FGGY: variants seen among roughly 807,000 people sequenced by gnomAD.
FGGY encodes FGGY carbohydrate kinase domain-containing protein.
In FGGY, 72 loss-of-function variants were observed where a neutral mutation model predicts 71.3. That is an observed-to-expected ratio of 1.01 (90% CI 0.84 to 1.23). The LOEUF (loss-of-function observed/expected upper bound fraction) is 1.23. FGGY is among the 50% of genes most tolerant of loss of function. FGGY has a pLI of 0.00. For synonymous variants in FGGY, 251 were observed against 250.3 expected (o/e 1.00, Z -0.02); for missense variants, 668 against 682.3 (o/e 0.98, Z 0.23).
chr1:59,590,053 A>G (rs2096399020), intron 8 of FGGY, among the ~76,000 whole-genome samples: 1 of 152,140 alleles, frequency 6.6e-6, no homozygotes, highest in Admixed American at 6.6e-5. Flanking sequence ...AGACTAATAA[A>G]GAAGAAAAGA....
intron 4 of FGGY, among the ~76,000 whole-genome samples, chr1:59,360,596 A>G (rs1442371967): frequency 6.6e-6 from 1 of 152,154 alleles, no homozygotes; most frequent in Non-Finnish European, 1.5e-5. Context: ...TTGTGTTGAT[A>G]TACTATTATG....
At chr1:59,320,901 A>G (rs533535604) in intron 1 of FGGY, among the ~76,000 whole-genome samples, 1 of 152,342 alleles carries the variant, frequency 6.6e-6, no homozygotes, top group Non-Finnish European at 1.5e-5. Context: ...AGTGTGTATC[A>G]TTATAATAAT....
intron 7 of FGGY, among the ~76,000 whole-genome samples, chr1:59,522,254 C>T (rs961906829): frequency 1.2e-4 from 19 of 152,324 alleles, no homozygotes; most frequent in East Asian, 3.9e-4. Flanking sequence ...TGAGCTCTCC[C>T]GTGTTGACCT....
At chr1:59,482,628 C>A (rs597260) in intron 6 of FGGY, among the ~76,000 whole-genome samples, 2,719 of 53,856 alleles carry the variant, frequency 0.05, 97 homozygotes, top group African/African-American at 0.17. Flanking sequence ...GTGTGTGTGT[C>A]TGTGTGTATA....
At chr1:59,400,258 A>G (rs2061787941) in intron 5 of FGGY, among the ~76,000 whole-genome samples, 1 of 152,178 alleles carries the variant, frequency 6.6e-6, no homozygotes, top group Admixed American at 6.5e-5. Context: ...CTTGTGAATG[A>G]TAAACACCCA....
At chr1:59,341,749 A>T (rs1003982402) in intron 3 of FGGY, among the ~76,000 whole-genome samples, 1 of 152,344 alleles carries the variant, frequency 6.6e-6, no homozygotes, top group Admixed American at 6.5e-5. Flanking sequence ...AGCAGCAAGC[A>T]TTCACTAATT....
At chr1:59,375,827 A>G (rs1310520320) in intron 4 of FGGY, among the ~76,000 whole-genome samples, 1 of 151,790 alleles carries the variant, frequency 6.6e-6, no homozygotes, top group African/African-American at 2.4e-5. Context: ...GCTACAGGCT[A>G]AAAGCTGTCG....
chr1:59,603,755 C>T (rs1047708309), intron 8 of FGGY, among the ~76,000 whole-genome samples: 2 of 152,158 alleles, frequency 1.3e-5, no homozygotes, highest in Admixed American at 6.5e-5. Flanking sequence ...ATGAAGATTC[C>T]CTAACCTACT....
chr1:59,326,785 A>G (rs985793550), intron 2 of FGGY, among the ~76,000 whole-genome samples: 26 of 151,904 alleles, frequency 1.7e-4, no homozygotes, highest in Non-Finnish European at 1.6e-4. Context: ...TTCAACATCT[A>G]TCACTCTACT....
intron 7 of FGGY, among the ~76,000 whole-genome samples, chr1:59,551,858 C>T (rs2095612844): frequency 6.6e-6 from 1 of 152,114 alleles, no homozygotes. Context: ...TTAAAATGAG[C>T]TCATATCTTG....
At chr1:59,451,505 T>G (rs577982968) in intron 5 of FGGY, among the ~76,000 whole-genome samples, 32 of 152,130 alleles carry the variant, frequency 2.1e-4, no homozygotes, top group African/African-American at 6.5e-4. Context: ...TATGCATATA[T>G]GTATATGTTT....
At chr1:59,427,652 G>C (rs1241383353) in intron 5 of FGGY, among the ~76,000 whole-genome samples, 1 of 152,188 alleles carries the variant, frequency 6.6e-6, no homozygotes, top group African/African-American at 2.4e-5. Flanking sequence ...ACAGAAGGGG[G>C]CCTGTCTGAA....
At chr1:59,702,071 C>T (rs1036475137) in intron 14 of FGGY, among the ~76,000 whole-genome samples, 29 of 152,192 alleles carry the variant, frequency 1.9e-4, no homozygotes, top group South Asian at 2.1e-4. Flanking sequence ...CTTTACAAGG[C>T]GGTAGGAGAG....
At chr1:59,508,898 TGAAA>T (rs1325803956) in intron 6 of FGGY, among the ~76,000 whole-genome samples, 4 of 152,072 alleles carry the variant, frequency 2.6e-5, no homozygotes, top group Non-Finnish European at 4.4e-5. Flanking sequence ...TGGTTGGCTG[TGAAA>T]GAAGGAAGAG....
intron 5 of FGGY, among the ~76,000 whole-genome samples, chr1:59,449,170 C>T (rs541800636): frequency 2.0e-5 from 3 of 152,306 alleles, no homozygotes; most frequent in South Asian, 2.1e-4. Context: ...GGTGAATTGA[C>T]CCTTTTCTCA....
intron 4 of FGGY, among the ~76,000 whole-genome samples, chr1:59,375,879 GTTTTTTT>G (rs770578651): frequency 1.0e-5 from 1 of 99,370 alleles, no homozygotes; most frequent in East Asian, 3.1e-4. Context: ...ATCTAAAGTA[GTTTTTTT>G]TTTTTTTTTT....
intron 5 of FGGY, among the ~76,000 whole-genome samples, chr1:59,392,099 C>G (rs1171133588): frequency 6.6e-6 from 1 of 152,028 alleles, no homozygotes; most frequent in African/African-American, 2.4e-5. Context: ...TTTTCCTGAC[C>G]CAAGAAGGCC....
At chr1:59,343,475 C>A (rs2051133386) in intron 3 of FGGY, among the ~76,000 whole-genome samples, 1 of 152,162 alleles carries the variant, frequency 6.6e-6, no homozygotes, top group Admixed American at 6.6e-5. Flanking sequence ...CTGTGCAGCT[C>A]CAGGCTCAGC....
chr1:59,328,510 A>G lies in FGGY; in HGVS notation c.201+6760A>G, dbSNP rs561422968. On this transcript the variant is annotated intron_variant, in intron 2 of 15. Transcript: ENST00000303721. ...GTTTGATCTTCTATCTAGACCACTC[A>G]AATTTTCTCCATATCAGCAATAAGA... 2.2e-4 allele frequency among the ~76,000 whole-genome samples: 34 copies of G among 152,288 alleles called. No individual in the cohort carries two copies. In the East Asian group the frequency reaches 6.6e-3, roughly 29 times the overall value.
Sources: gnomAD v4.1 joint callset for allele counts (sites outside exome capture counted in the v4.1 genomes callset) on GRCh38, gnomAD v4.1.1 for gene constraint, MANE v1.5 for transcripts, NCBI Gene and HGNC (gene_info 2026-07-23, HGNC 2026-07-21) for gene names.